NPAS3: variants seen among roughly 807,000 people sequenced by gnomAD.
NPAS3 encodes the protein neuronal PAS domain-containing protein 3.
A neutral mutation model predicts 73.1 loss-of-function variants in NPAS3; 14 were observed. The observed-to-expected ratio is 0.19, with a 90% CI of 0.13 to 0.30. The LOEUF is 0.30. NPAS3 is among the 10% of genes least tolerant of loss of function. The probability of loss-of-function intolerance (pLI) is 1.00; values close to 1 mark genes in which losing one functional copy is unlikely to be tolerated. For synonymous variants in NPAS3, 620 were observed against 541.5 expected, an observed-to-expected ratio of 1.14 and a Z score of -2.01; for missense variants, 1,096 against 1,250.0, an observed-to-expected ratio of 0.88 and a Z score of 1.86.
intron 3 of NPAS3, among the ~76,000 whole-genome samples, chr14:33,221,907 A>G (rs1205520693): frequency 1.3e-5 from 2 of 152,166 alleles, no homozygotes; most frequent in Non-Finnish European, 2.9e-5. Context: ...TTCCATAACA[A>G]AAGACAGGTT....
intron 4 of NPAS3, among the ~76,000 whole-genome samples, chr14:33,410,368 G>T (rs555524238): frequency 6.6e-6 from 1 of 152,078 alleles, no homozygotes; most frequent in Non-Finnish European, 1.5e-5. Context: ...GAGTATTTCA[G>T]GCTCTTTTTC....
intron 6 of NPAS3, among the ~76,000 whole-genome samples, chr14:33,681,781 C>T (rs1801534977): frequency 1.3e-5 from 2 of 152,100 alleles, no homozygotes; most frequent in Admixed American, 1.3e-4. Flanking sequence ...GCTCAAAATT[C>T]ACATGGTGAG....
At position 33,040,777 on chromosome 14, in the gene NPAS3, G is replaced by A. The variant is rs1006760405; in HGVS notation, c.51-15128G>A. ...TTGCTTTTCTTACATGCAAAATGTG[G>A]TTAGTGAATGACATTTAACATCTTT... On this transcript the variant is annotated intron_variant, in intron 1 of 11. Transcript: ENST00000356141. 1.2e-4 allele frequency among the ~76,000 whole-genome samples: 19 copies of A among 152,272 alleles called. No homozygotes were observed. The South Asian group carries it at 1.7e-3, about 13-fold the overall frequency.
chr14:33,736,221 C>T (rs932052871), intron 7 of NPAS3, among the ~76,000 whole-genome samples: 11 of 152,156 alleles, frequency 7.2e-5, no homozygotes, highest in Non-Finnish European at 1.2e-4. Context: ...TGTGTTATCG[C>T]GGATGGTAAC....
At chr14:33,391,048 T>A (rs2046980055) in intron 4 of NPAS3, among the ~76,000 whole-genome samples, 2 of 152,172 alleles carry the variant, frequency 1.3e-5, no homozygotes, top group Admixed American at 1.3e-4. Flanking sequence ...CCCTTTGAAC[T>A]ACTGATGTCC....
intron 3 of NPAS3, among the ~76,000 whole-genome samples, chr14:33,218,617 C>T (rs191908124): frequency 2.0e-5 from 3 of 152,286 alleles, no homozygotes; most frequent in Non-Finnish European, 4.4e-5. Flanking sequence ...CTTCATGCTT[C>T]TCCAAGCAAT....
chr14:33,659,186 G>A (rs1395522287), intron 5 of NPAS3, among the ~76,000 whole-genome samples: 3 of 152,068 alleles, frequency 2.0e-5, no homozygotes, highest in Non-Finnish European at 2.9e-5. Context: ...CTTAATATAC[G>A]CCAGGTTTCC....
chr14:33,755,575 A>C (rs2062090050), intron 7 of NPAS3, among the ~76,000 whole-genome samples: 2 of 152,162 alleles, frequency 1.3e-5, no homozygotes, highest in South Asian at 4.1e-4. Context: ...ATTAGGCTGC[A>C]CTCTAGACCG....
intron 3 of NPAS3, among the ~76,000 whole-genome samples, chr14:33,285,582 G>A (rs2041842573): frequency 6.6e-6 from 1 of 152,116 alleles, no homozygotes; most frequent in Admixed American, 6.5e-5. Flanking sequence ...AAGAAGCTAG[G>A]TCTCAGGTTA....
intron 4 of NPAS3, among the ~76,000 whole-genome samples, chr14:33,421,153 A>G (rs2048344758): frequency 6.6e-6 from 1 of 152,014 alleles, no homozygotes. Flanking sequence ...TTGTATGTGT[A>G]TATAATCAAG....
intron 3 of NPAS3, among the ~76,000 whole-genome samples, chr14:33,222,215 C>G (rs1191654823): frequency 6.6e-6 from 1 of 152,158 alleles, no homozygotes; most frequent in Non-Finnish European, 1.5e-5. Context: ...AAGAGAGGGT[C>G]AGATAGTCTT....
intron 3 of NPAS3, among the ~76,000 whole-genome samples, chr14:33,290,701 AT>A (rs1453698352): frequency 6.6e-6 from 1 of 152,160 alleles, no homozygotes; most frequent in Non-Finnish European, 1.5e-5. Context: ...TGCATGTTGA[AT>A]TTTTTAAAGG....
chr14:32,949,702 TAAG>T (rs1449901559), intron 1 of NPAS3, among the ~76,000 whole-genome samples: 2 of 151,566 alleles, frequency 1.3e-5, no homozygotes, highest in East Asian at 3.9e-4. Flanking sequence ...TAAAGCCAAA[TAAG>T]AATATAAATG....
intron 2 of NPAS3, among the ~76,000 whole-genome samples, chr14:33,077,739 G>A (rs1332943497): frequency 7.8e-6 from 1 of 128,368 alleles, no homozygotes; most frequent in East Asian, 2.2e-4. Context: ...TTTAAAGTGA[G>A]TCAGTGTTGC....
chr14:33,010,736 G>C (rs1057297160), intron 1 of NPAS3, among the ~76,000 whole-genome samples: 1 of 151,934 alleles, frequency 6.6e-6, no homozygotes, highest in African/African-American at 2.4e-5. Context: ...ATAATCACTT[G>C]GGGTCAGGAG....
At chr14:33,279,283 ATGAC>A (rs769005575) in intron 3 of NPAS3, among the ~76,000 whole-genome samples, 1 of 152,132 alleles carries the variant, frequency 6.6e-6, no homozygotes, top group Non-Finnish European at 1.5e-5. Flanking sequence ...AATAATAATA[ATGAC>A]TATTTCATTT....
intron 7 of NPAS3, among the ~76,000 whole-genome samples, chr14:33,743,605 G>A (rs1187769399): frequency 6.6e-6 from 1 of 152,166 alleles, no homozygotes; most frequent in Non-Finnish European, 1.5e-5. Context: ...AAAGTCACCA[G>A]CTTCATTAGC....
chr14:33,356,610 C>T (rs1048278218), intron 3 of NPAS3, among the ~76,000 whole-genome samples: 1 of 152,192 alleles, frequency 6.6e-6, no homozygotes, highest in Non-Finnish European at 1.5e-5. Flanking sequence ...CTCAGTGAAT[C>T]AGTTGTTCAG....
chr14:33,176,563 G>T (rs1312111328), intron 2 of NPAS3, among the ~76,000 whole-genome samples: 1 of 152,070 alleles, frequency 6.6e-6, no homozygotes, highest in Non-Finnish European at 1.5e-5. Flanking sequence ...ATTCCTTTAT[G>T]TGGCTGAATA....
Sources: allele counts gnomAD v4.1 joint callset (sites outside exome capture counted in the v4.1 genomes callset), GRCh38; gene constraint gnomAD v4.1.1; transcripts MANE v1.5; gene names NCBI Gene and HGNC (gene_info 2026-07-23, HGNC 2026-07-21).